Variants in RELN observed in about 807,000 individuals in gnomAD.
RELN encodes the protein reelin.
Under a neutral mutation model 427.6 loss-of-function variants are expected in RELN, and 108 were observed. That is an observed-to-expected ratio of 0.25 (90% confidence interval 0.22 to 0.30). The LOEUF (loss-of-function observed/expected upper bound fraction) is 0.30, where lower values mean the gene tolerates loss of function less well. RELN is among the 10% of genes least tolerant of loss of function. The probability of loss-of-function intolerance (pLI) is 1.00; values close to 1 mark genes in which losing one functional copy is unlikely to be tolerated. For missense variants in RELN, 3,715 were observed against 4,302.8 expected (o/e 0.86, Z 3.82); for synonymous variants, 1,524 against 1,513.4 (o/e 1.01, Z -0.16).
At chr7:103,532,408 A>G (rs1035830590) in intron 46 of RELN, among the ~76,000 whole-genome samples, 5 of 152,120 alleles carry the variant, frequency 3.3e-5, no homozygotes, top group African/African-American at 9.7e-5. Context: ...ATGTTTACCT[A>G]TGTAACAAAC....
At position 103,611,763 on chromosome 7, in the gene RELN, C is replaced by T. The variant is rs1831964816; in HGVS notation, c.2743G>A (p.Val915Met). The T allele has an allele frequency of 6.2e-7, 1 of 1,613,866 alleles. No homozygotes were observed. Among genetic ancestry groups the T allele is most frequent in the South Asian group, 1.1e-5 (1 of 91,080 alleles). Reference protein sequence around the residue: ...DSKLASSMRYVETQSMQIGAS... With the variant: ...DSKLASSMRYMETQSMQIGAS... Reference sequence around the variant, plus strand: ...CCTATCTGCATTGATTGTGTTTCCACATAGCGCATACTTGAGGCAAGTTTA... The same window carrying T: ...CCTATCTGCATTGATTGTGTTTCCATATAGCGCATACTTGAGGCAAGTTTA... Residue 915 changes from valine to methionine, a missense_variant, in exon 21 of 65, where the codon GTG (valine) becomes ATG (methionine). Physicochemically the swap from Val to Met is conservative, Grantham distance 21. This residue lies in a region of RELN where 2,208 missense variants were observed against 2,361.7 expected (regional missense o/e 0.93). Transcript: ENST00000428762.
intron 1 of RELN, among the ~76,000 whole-genome samples, chr7:103,977,140 G>A (rs377642395): frequency 1.3e-4 from 19 of 151,636 alleles, no homozygotes; most frequent in Middle Eastern, 3.4e-3. Flanking sequence ...GTGAAACCCC[G>A]TCTCTACTAA....
chr7:103,837,648 A>C (rs956853184), intron 2 of RELN, among the ~76,000 whole-genome samples: 8 of 152,142 alleles, frequency 5.3e-5, no homozygotes, highest in African/African-American at 1.7e-4. Flanking sequence ...CAGTCCTCAA[A>C]GACTTCCCTC....
chr7:103,731,082 AAT>A (rs1278900969), intron 6 of RELN, among the ~76,000 whole-genome samples: 1 of 152,136 alleles, frequency 6.6e-6, no homozygotes, highest in African/African-American at 2.4e-5. Context: ...GCAATGATGC[AAT>A]GATAGCTATT....
chr7:103,903,126 G>A (rs1308729656), intron 2 of RELN, among the ~76,000 whole-genome samples: 2 of 151,940 alleles, frequency 1.3e-5, no homozygotes, highest in Non-Finnish European at 2.9e-5. Context: ...ATGACTGCGA[G>A]GTCAGAGTCA....
In RELN at chr7:103,604,434, C is replaced by T; in HGVS notation, c.3058G>A (p.Asp1020Asn). 1 of 1,613,950 alleles carries T rather than the reference C, an allele frequency of 6.2e-7. No homozygotes were observed. Among genetic ancestry groups the T allele is most frequent in the Non-Finnish European group, 8.5e-7 (1 of 1,179,878 alleles). Residue 1020 changes from aspartate to asparagine, a missense_variant, in exon 23 of 65, where the codon GAC becomes AAC. By Grantham distance (23) the Asp-to-Asn change is conservative. This residue lies in a region of RELN where 2,208 missense variants were observed against 2,361.7 expected (regional missense o/e 0.93). Coordinates refer to ENST00000428762, the MANE Select transcript of RELN (RefSeq NM_005045.4). ...TAAATGCTGTCCAAAGCCCACTCGT[C>T]TTGAGCTGTGTAATAGCTCTGGCTC... ...RWSQSYYTAQ[D>N]EWALDSIYIG...
intron 1 of RELN, among the ~76,000 whole-genome samples, chr7:103,978,495 T>C (rs2116836523): frequency 6.6e-6 from 1 of 152,324 alleles, no homozygotes; most frequent in East Asian, 1.9e-4. Flanking sequence ...TATTCTTAAA[T>C]ATTTGCAGAG....
chr7:103,618,916 T>C (rs763579469), intron 20 of RELN, among the ~76,000 whole-genome samples: 2 of 151,934 alleles, frequency 1.3e-5, no homozygotes, highest in Non-Finnish European at 2.9e-5. Context: ...ATCGAAACCA[T>C]CCTGGCTAAC....
At chr7:103,983,967 G>T (rs1319937012) in intron 1 of RELN, among the ~76,000 whole-genome samples, 4 of 151,684 alleles carry the variant, frequency 2.6e-5, no homozygotes, top group South Asian at 4.2e-4. Context: ...AAATGTAAAG[G>T]TTATTTGAAA....
chr7:103,716,652 G>T (rs1584431283), intron 8 of RELN, among the ~76,000 whole-genome samples: 1 of 152,260 alleles, frequency 6.6e-6, no homozygotes, highest in East Asian at 1.9e-4. Context: ...ATTCAATTTA[G>T]TTACATTGTT....
At chr7:103,877,786 C>G (rs1160585293) in intron 2 of RELN, among the ~76,000 whole-genome samples, 1 of 151,978 alleles carries the variant, frequency 6.6e-6, no homozygotes, top group East Asian at 1.9e-4. Flanking sequence ...TCTCCTGCCT[C>G]CAGGCCCTCC....
chr7:103,556,978 G>T lies in RELN; in HGVS notation c.5796C>A (p.Asn1932Lys). ...ACAGGAGAACACATGCATTTTTACC[G>T]TTATTATAAGGTTGCCAGAGTCTGA... Reference protein sequence around the residue: ...TRFRLWQPYNNGKKEEIWIVD... With the variant: ...TRFRLWQPYNKGKKEEIWIVD... Residue 1932 changes from asparagine to lysine, a missense_variant and splice_region_variant, in exon 38 of 65, where the codon AAC becomes AAA. By Grantham distance (94) the Asn-to-Lys change is moderately conservative. Around this residue, in one of 4 missense-constraint regions of RELN, gnomAD observed 1,310 missense variants for 1,643.0 expected, o/e 0.80. Coordinates refer to ENST00000428762, the MANE Select transcript of RELN (RefSeq NM_005045.4). 1.2e-6 allele frequency: 2 copies of T among 1,608,852 alleles called. No homozygotes were observed. The highest frequency in any genetic ancestry group is 1.7e-6 in the Non-Finnish European group (2 of 1,175,158).
chr7:103,675,932 A>T (rs893226428), intron 11 of RELN, among the ~76,000 whole-genome samples: 1 of 152,110 alleles, frequency 6.6e-6, no homozygotes, highest in African/African-American at 2.4e-5. Context: ...AACCATAAAT[A>T]CCCTAGAAGA....
intron 8 of RELN, among the ~76,000 whole-genome samples, chr7:103,704,269 T>A (rs1323557358): frequency 6.6e-6 from 1 of 152,220 alleles, no homozygotes; most frequent in Non-Finnish European, 1.5e-5. Context: ...TATGAATTTG[T>A]CATTTTAATA....
intron 49 of RELN, among the ~76,000 whole-genome samples, chr7:103,516,968 T>C (rs1454854801): frequency 2.6e-5 from 4 of 152,172 alleles, no homozygotes; most frequent in Non-Finnish European, 1.5e-5. Context: ...TTTTTTCTAT[T>C]ATGCCATCAT....
chr7:103,649,587 A>G (rs12533391), intron 16 of RELN, among the ~76,000 whole-genome samples: 57,315 of 151,780 alleles, frequency 0.38, 10,853 homozygotes, highest in South Asian at 0.43. Flanking sequence ...AAATAAAAAT[A>G]GAAAGACAAA....
At chr7:103,819,545 C>T (rs1792965502) in intron 3 of RELN, among the ~76,000 whole-genome samples, 1 of 152,072 alleles carries the variant, frequency 6.6e-6, no homozygotes, top group African/African-American at 2.4e-5. Context: ...AAATGCTCTT[C>T]AAGAGAAGTC....
intron 2 of RELN, among the ~76,000 whole-genome samples, chr7:103,887,923 A>C (rs1235634447): frequency 6.6e-6 from 1 of 152,186 alleles, no homozygotes; most frequent in East Asian, 1.9e-4. Flanking sequence ...TAAAATGGCA[A>C]AATAACTAGG....
chr7:103,598,399 T>A (rs1266450243), intron 24 of RELN, among the ~76,000 whole-genome samples: 1 of 152,178 alleles, frequency 6.6e-6, no homozygotes, highest in Non-Finnish European at 1.5e-5. Flanking sequence ...TTTTCAACCC[T>A]CCCGATCATT....
Sources: allele counts gnomAD v4.1 joint callset (sites outside exome capture counted in the v4.1 genomes callset), GRCh38; gene constraint gnomAD v4.1.1; regional missense constraint gnomAD v4.1.1; transcripts MANE v1.5; gene names NCBI Gene and HGNC (gene_info 2026-07-23, HGNC 2026-07-21).